CRIM1: variants seen among roughly 807,000 people sequenced by gnomAD.
CRIM1 encodes cysteine-rich motor neuron 1 protein.
In CRIM1, 32 loss-of-function variants were observed where a neutral mutation model predicts 116.4. The observed-to-expected ratio is 0.27, with a 90% confidence interval of 0.21 to 0.37. The LOEUF is 0.37. CRIM1 is among the 10% of genes least tolerant of loss of function. The probability of loss-of-function intolerance (pLI) is 1.00; values close to 1 mark genes in which losing one functional copy is unlikely to be tolerated. For synonymous variants in CRIM1, 590 were observed against 509.2 expected (o/e 1.16, Z -2.13); for missense variants, 1,331 against 1,354.8 (o/e 0.98, Z 0.28).
At chr2:36,382,369 T>A (rs547991593) in intron 1 of CRIM1, among the ~76,000 whole-genome samples, 3 of 152,364 alleles carry the variant, frequency 2.0e-5, no homozygotes, top group South Asian at 4.1e-4. Context: ...CCTGAAGGGC[T>A]TGTGTTTCCT....
chr2:36,453,626 T>C (rs1236537887), intron 4 of CRIM1, among the ~76,000 whole-genome samples: 1 of 152,230 alleles, frequency 6.6e-6, no homozygotes, highest in Non-Finnish European at 1.5e-5. Flanking sequence ...GCATTTGTCA[T>C]GTGCCAGGCA....
At chr2:36,419,512 C>A (rs1435431616) in intron 2 of CRIM1, among the ~76,000 whole-genome samples, 1 of 152,192 alleles carries the variant, frequency 6.6e-6, no homozygotes, top group Non-Finnish European at 1.5e-5. Flanking sequence ...GTTAATGCTG[C>A]CCAGGCCATT....
At chr2:36,369,817 T>C (rs1179024798) in intron 1 of CRIM1, among the ~76,000 whole-genome samples, 1 of 152,168 alleles carries the variant, frequency 6.6e-6, no homozygotes, top group Admixed American at 6.5e-5. Flanking sequence ...GGGAATACTC[T>C]TTGAGAGACA....
intron 4 of CRIM1, among the ~76,000 whole-genome samples, chr2:36,450,362 G>A (rs376923397): frequency 5.1e-4 from 77 of 152,256 alleles, no homozygotes; most frequent in African/African-American, 1.8e-3. Flanking sequence ...CGGATTGTGT[G>A]TGTGTCTTCT....
chr2:36,448,122 T>C (rs1170880584), intron 4 of CRIM1, among the ~76,000 whole-genome samples: 2 of 152,232 alleles, frequency 1.3e-5, no homozygotes, highest in African/African-American at 4.8e-5. Flanking sequence ...AACTAGGTTT[T>C]CTCCCATCAT....
intron 7 of CRIM1, among the ~76,000 whole-genome samples, chr2:36,484,025 T>G (rs1260973925): frequency 6.6e-6 from 1 of 152,164 alleles, no homozygotes; most frequent in African/African-American, 2.4e-5. Context: ...GTTGGACCAG[T>G]TTCCTGCATT....
chr2:36,545,758 T>C (rs1279518535), intron 15 of CRIM1, among the ~76,000 whole-genome samples: 1 of 152,182 alleles, frequency 6.6e-6, no homozygotes, highest in African/African-American at 2.4e-5. Flanking sequence ...CCTTCCTTAA[T>C]TTATATCTTA....
chr2:36,364,502 G>C (rs868618640), intron 1 of CRIM1, among the ~76,000 whole-genome samples: 15 of 152,280 alleles, frequency 9.9e-5, no homozygotes, highest in Middle Eastern at 6.8e-3. Flanking sequence ...GCAAGTAAGA[G>C]GGAGTCTAAC....
intron 7 of CRIM1, among the ~76,000 whole-genome samples, chr2:36,487,649 A>G (rs1450213686): frequency 1.3e-5 from 2 of 152,102 alleles, no homozygotes; most frequent in African/African-American, 4.8e-5. Context: ...TTTGTCTTCT[A>G]TGACATAGTA....
At chr2:36,388,024 C>A (rs193208910) in intron 1 of CRIM1, among the ~76,000 whole-genome samples, 5 of 151,666 alleles carry the variant, frequency 3.3e-5, no homozygotes, top group Non-Finnish European at 7.4e-5. Flanking sequence ...AACTGTGTCC[C>A]CATCAATGTT....
intron 1 of CRIM1, among the ~76,000 whole-genome samples, chr2:36,374,613 A>ACTGCAGTG (rs1410754095): frequency 6.6e-6 from 1 of 152,092 alleles, no homozygotes; most frequent in Admixed American, 6.5e-5. Context: ...GGTTGTACTG[A>ACTGCAGTG]CTGCAGTGTT....
chr2:36,487,573 AGGT>A (rs1487102772), intron 7 of CRIM1, among the ~76,000 whole-genome samples: 1 of 151,048 alleles, frequency 6.6e-6, no homozygotes, highest in Non-Finnish European at 1.5e-5. Flanking sequence ...AAAAAAAAAA[AGGT>A]GGCCGATCTA....
At chr2:36,540,524 C>T (rs760163925) in intron 14 of CRIM1, among the ~76,000 whole-genome samples, 3 of 146,296 alleles carry the variant, frequency 2.1e-5, no homozygotes, top group African/African-American at 4.9e-5. Flanking sequence ...GCCGGTGCCT[C>T]TAAGGTCAAG....
At chr2:36,525,360 T>C (rs1173075470) in intron 13 of CRIM1, among the ~76,000 whole-genome samples, 1 of 152,184 alleles carries the variant, frequency 6.6e-6, no homozygotes, top group Non-Finnish European at 1.5e-5. Flanking sequence ...GCTTGTTCTC[T>C]TATCAACTAA....
chr2:36,501,367 C>T (rs1251952170), intron 8 of CRIM1, among the ~76,000 whole-genome samples: 1 of 152,198 alleles, frequency 6.6e-6, no homozygotes, highest in Non-Finnish European at 1.5e-5. Flanking sequence ...TCTGCTTCCT[C>T]AGTTACATGT....
At chr2:36,524,385 G>T (rs1326103208) in intron 13 of CRIM1, among the ~76,000 whole-genome samples, 1 of 152,182 alleles carries the variant, frequency 6.6e-6, no homozygotes, top group Non-Finnish European at 1.5e-5. Flanking sequence ...ATTCTTTCAG[G>T]CTGGGTAAGG....
At chr2:36,473,396 A>G (rs1262178820) in intron 5 of CRIM1, among the ~76,000 whole-genome samples, 1 of 152,088 alleles carries the variant, frequency 6.6e-6, no homozygotes. Context: ...TTACCAACTT[A>G]AGTTGTGCAA....
rs1491008036 is a variant in CRIM1, at chr2:36,550,251, T to TCAA, written c.*1550_*1551insCAA. On this transcript the variant is annotated 3_prime_UTR_variant, in exon 17 of 17. Transcript: ENST00000280527. ...GCTCCTGGATTTTTTTTTTTTTTTTTTCAAACAATGGTTTGAAACAACTAC... is the reference window on the plus strand; with the variant it reads ...GCTCCTGGATTTTTTTTTTTTTTTTTCAATCAAACAATGGTTTGAAACAACTAC... 1 of 152,082 alleles carries TCAA rather than the reference T, an allele frequency of 6.6e-6. No homozygotes were observed. The highest frequency in any genetic ancestry group is 2.1e-4 in the South Asian group (1 of 4,816). 9.4% of individuals were successfully genotyped at this position (152,082 alleles called of 1,614,324 possible). A position where few individuals can be genotyped will look rare whatever the true frequency, so the allele number is the denominator to read the frequency against.
chr2:36,418,325 A>G (rs1673780901), intron 2 of CRIM1, among the ~76,000 whole-genome samples: 1 of 152,114 alleles, frequency 6.6e-6, no homozygotes, highest in Non-Finnish European at 1.5e-5. Flanking sequence ...TTGCTTTTTG[A>G]GATGGTCTCG....
Sources: gnomAD v4.1 joint callset for allele counts (sites outside exome capture counted in the v4.1 genomes callset) on GRCh38, gnomAD v4.1.1 for gene constraint, MANE v1.5 for transcripts, NCBI Gene and HGNC (gene_info 2026-07-23, HGNC 2026-07-21) for gene names.